The following LMNTD1 variants were observed in gnomAD, a reference collection of about 807,000 sequenced individuals.
LMNTD1 encodes lamin tail domain containing 1, also known as lamin tail domain-containing protein 1.
In LMNTD1, 35 loss-of-function variants were observed where a neutral mutation model predicts 50.9. That is an observed-to-expected ratio of 0.69 (90% confidence interval 0.53 to 0.91). The LOEUF is 0.91. Among genes scored for constraint, LMNTD1 ranks in the 40% least tolerant of loss-of-function variants. The pLI is 0.00. For missense variants in LMNTD1, 470 were observed against 475.5 expected (o/e 0.99, Z 0.11); for synonymous variants, 153 against 161.9 (o/e 0.94, Z 0.42).
At chr12:25,581,084 G>T (rs373219673) in intron 1 of LMNTD1, among the ~76,000 whole-genome samples, 3 of 152,262 alleles carry the variant, frequency 2.0e-5, no homozygotes, top group African/African-American at 7.2e-5. Context: ...GGAGGAAAAG[G>T]CAGATAAGGC....
chr12:25,574,742 C>T lies in LMNTD1; in HGVS notation c.59-28188G>A, dbSNP rs137892537. ...ATCATAACGGGTCCTAAGCTCCCTG[C>T]GGTCATGGATCGTTTATTGAGCATC... On this transcript the variant is annotated intron_variant, in intron 1 of 7. Transcript: ENST00000445693. 2.4e-3 allele frequency among the ~76,000 whole-genome samples: 360 copies of T among 152,170 alleles called. 1 individual carries two copies. Among genetic ancestry groups the T allele is most frequent in the African/African-American group, 8.3e-3 (345 of 41,498 alleles).
At position 25,567,117 on chromosome 12, in the gene LMNTD1, G is replaced by A. The variant is rs1246793997; in HGVS notation, c.59-20563C>T. On this transcript the variant is annotated intron_variant, in intron 1 of 7. Transcript: ENST00000445693. ...GGGTTGTTTGTTTGAGACCATGTGT[G>A]TGAGAAAGATGTGAAAAACCAGACA... is the stretch of plus-strand genomic sequence containing the variant. Among the ~76,000 whole-genome samples the A allele has an allele frequency of 2.0e-5, 3 of 152,324 alleles. No homozygotes were observed. The East Asian group carries it at 5.8e-4, about 29-fold the overall frequency.
intron 8 of LMNTD1, among the ~76,000 whole-genome samples, chr12:25,515,329 G>GT (rs1940675144): frequency 6.6e-6 from 1 of 152,014 alleles, no homozygotes; most frequent in East Asian, 1.9e-4. Flanking sequence ...TAAAGTGACT[G>GT]AATTAGGTCT....
At chr12:25,621,381 C>T (rs775510815) in intron 1 of LMNTD1, among the ~76,000 whole-genome samples, 11 of 152,122 alleles carry the variant, frequency 7.2e-5, no homozygotes, top group Non-Finnish European at 1.3e-4. Flanking sequence ...TGAGCCACTG[C>T]ACCCAGCCAC....
At chr12:25,590,193 C>G (rs143011648) in intron 1 of LMNTD1, among the ~76,000 whole-genome samples, 1 of 152,304 alleles carries the variant, frequency 6.6e-6, no homozygotes, top group East Asian at 1.9e-4. Context: ...CACCAACCGT[C>G]CCCCACTTCC....
chr12:25,608,370 T>A (rs537878262), intron 1 of LMNTD1, among the ~76,000 whole-genome samples: 6 of 152,332 alleles, frequency 3.9e-5, no homozygotes, highest in Admixed American at 3.9e-4. Flanking sequence ...TGTGAACCTG[T>A]CATTATGATG....
At chr12:25,501,280 T>C (rs192006588) in intron 9 of LMNTD1, among the ~76,000 whole-genome samples, 1 of 152,180 alleles carries the variant, frequency 6.6e-6, no homozygotes, top group Non-Finnish European at 1.5e-5. Flanking sequence ...TGTGAGCCAC[T>C]GTGCCCAGCC....
chr12:25,503,355 G>A (rs1591835584), intron 9 of LMNTD1, among the ~76,000 whole-genome samples: 1 of 152,198 alleles, frequency 6.6e-6, no homozygotes, highest in Non-Finnish European at 1.5e-5. Flanking sequence ...TAGCCAGAGT[G>A]ATTTCTGTGA....
intron 7 of LMNTD1, 93 bp downstream of exon 7, chr12:25,519,765 T>C: frequency 1.3e-6 from 1 of 794,444 alleles, no homozygotes; most frequent in Non-Finnish European, 2.1e-6. Context: ...AATTTATACA[T>C]CACACATCCA....
chr12:25,587,845 GA>G (rs1269751774), intron 1 of LMNTD1, among the ~76,000 whole-genome samples: 4 of 152,088 alleles, frequency 2.6e-5, no homozygotes, highest in Non-Finnish European at 5.9e-5. Context: ...GGTATTTTAG[GA>G]AAGAAGATCA....
rs117642638 is a variant in LMNTD1, at chr12:25,536,213, T to C, written c.492-9258A>G. 6.7e-3 allele frequency among the ~76,000 whole-genome samples: 1,024 copies of C among 152,276 alleles called. 14 individuals carry two copies. The highest frequency in any genetic ancestry group is 8.1e-3 in the Non-Finnish European group (550 of 67,982). ...TCAGCAAAAAGACAGTAGACAACAC[T>C]ATCAACCAACATGACATGGTTGACA... On this transcript the variant is annotated intron_variant, in intron 4 of 9. Coordinates refer to ENST00000458174, the MANE Select transcript of LMNTD1 (RefSeq NM_001145728.2).
chr12:25,594,620 T>A (rs1348626407), intron 1 of LMNTD1, among the ~76,000 whole-genome samples: 1 of 87,876 alleles, frequency 1.1e-5, no homozygotes, highest in East Asian at 3.3e-4. Flanking sequence ...CTTTAAAGCA[T>A]AAATCTCACA....
At chr12:25,622,388 A>G (rs1258131921) in intron 1 of LMNTD1, among the ~76,000 whole-genome samples, 1 of 151,294 alleles carries the variant, frequency 6.6e-6, no homozygotes, top group African/African-American at 2.4e-5. Context: ...TGCAGAGTTC[A>G]TGCATGACCC....
intron 8 of LMNTD1, among the ~76,000 whole-genome samples, chr12:25,514,855 G>A (rs958311163): frequency 1.3e-5 from 2 of 152,092 alleles, no homozygotes; most frequent in Admixed American, 6.6e-5. Flanking sequence ...TTAAGATAAT[G>A]AGTTACTAGT....
upstream of LMNTD1, among the ~76,000 whole-genome samples, chr12:25,557,607 G>C (rs934292728): frequency 3.2e-4 from 49 of 152,210 alleles, 1 homozygote; most frequent in African/African-American, 9.6e-4. Context: ...ACTTGTTCAG[G>C]AGACAAAGAT....
intron 4 of LMNTD1, among the ~76,000 whole-genome samples, chr12:25,542,160 G>A (rs1412713772): frequency 2.0e-5 from 3 of 151,986 alleles, no homozygotes; most frequent in African/African-American, 4.8e-5. Flanking sequence ...GGAAGTCAGT[G>A]TGGCGATTCC....
rs532490509 is a variant in LMNTD1 at position 25,577,089 on chromosome 12, C to T, written c.59-30535G>A. 1.4e-4 allele frequency among the ~76,000 whole-genome samples: 21 copies of T among 152,304 alleles called. No individual in the cohort carries two copies. The East Asian group carries it at 3.7e-3, about 27-fold the overall frequency. ...TACCAGTACCATGCTGTTTTGGTTACTGTAGCCTTGTAGTATAGTTTGAAG... is the reference window on the plus strand; with the variant it reads ...TACCAGTACCATGCTGTTTTGGTTATTGTAGCCTTGTAGTATAGTTTGAAG... On this transcript the variant is annotated intron_variant, in intron 1 of 7. Transcript: ENST00000445693.
intron 1 of LMNTD1, among the ~76,000 whole-genome samples, chr12:25,597,614 C>T (rs1945871072): frequency 6.6e-6 from 1 of 152,082 alleles, no homozygotes; most frequent in Non-Finnish European, 1.5e-5. Context: ...AACAAAGAAA[C>T]ATCAGACTTG....
At chr12:25,551,089 A>G (rs1029158854) in intron 2 of LMNTD1, among the ~76,000 whole-genome samples, 4 of 152,254 alleles carry the variant, frequency 2.6e-5, no homozygotes, top group African/African-American at 9.6e-5. Context: ...AACATGAGAC[A>G]GGATTGTAAG....
Sources: gnomAD v4.1 joint callset for allele counts (sites outside exome capture counted in the v4.1 genomes callset) on GRCh38, gnomAD v4.1.1 for gene constraint, MANE v1.5 for transcripts, NCBI Gene and HGNC (gene_info 2026-07-23, HGNC 2026-07-21) for gene names.